P3H2: variants seen among roughly 807,000 people sequenced by gnomAD.
P3H2 encodes leprecan-like 1.
In P3H2, 80 loss-of-function variants were observed where a neutral mutation model predicts 87.0. The observed-to-expected ratio is 0.92, with a 90% CI of 0.77 to 1.11. The LOEUF (loss-of-function observed/expected upper bound fraction) is 1.11, where lower values mean the gene tolerates loss of function less well. Ranked by LOEUF, P3H2 falls within the 50% of genes least tolerant of loss-of-function variation. The pLI, the probability that P3H2 is intolerant of heterozygous loss-of-function variation, is 0.00. For missense variants in P3H2, 1,001 were observed against 923.9 expected, an observed-to-expected ratio of 1.08 and a Z score of -1.08; for synonymous variants, 367 against 359.3, an observed-to-expected ratio of 1.02 and a Z score of -0.24.
chr3:190,059,474 G>A (rs1285009945), intron 1 of P3H2, among the ~76,000 whole-genome samples: 1 of 151,952 alleles, frequency 6.6e-6, no homozygotes, highest in Non-Finnish European at 1.5e-5. Flanking sequence ...TTCCTTCCTG[G>A]GCTCCAGCCA....
At chr3:189,973,552 G>C (rs1239310239) in intron 10 of P3H2, among the ~76,000 whole-genome samples, 1 of 118,764 alleles carries the variant, frequency 8.4e-6, no homozygotes, top group East Asian at 2.3e-4. Context: ...ACGGAGTCTC[G>C]CTCTCGCCCA....
intron 1 of P3H2, among the ~76,000 whole-genome samples, chr3:190,037,733 ATGGCTAT>A: frequency 6.6e-6 from 1 of 152,352 alleles, no homozygotes; most frequent in Middle Eastern, 3.4e-3. Context: ...CAATTTAACT[ATGGCTAT>A]TGTGTCTAAA....
At chr3:189,972,279 C>A (rs959856105) in intron 11 of P3H2, among the ~76,000 whole-genome samples, 1 of 152,066 alleles carries the variant, frequency 6.6e-6, no homozygotes, top group African/African-American at 2.4e-5. Context: ...AAATTCCATG[C>A]GTTTCATGGG....
intron 1 of P3H2, among the ~76,000 whole-genome samples, chr3:190,062,109 A>G (rs75175727): frequency 0.014 from 2,127 of 152,192 alleles, 58 homozygotes; most frequent in African/African-American, 0.049. Context: ...CTTTCCTCTA[A>G]AATTCTCCCC....
intron 14 of P3H2, among the ~76,000 whole-genome samples, chr3:189,961,606 AAC>A (rs1722811769): frequency 1.3e-5 from 2 of 152,272 alleles, no homozygotes; most frequent in South Asian, 4.1e-4. Flanking sequence ...AAACTCCTGA[AAC>A]ACAGATGTTA....
chr3:190,094,985 T>G (rs116059947), intron 1 of P3H2, among the ~76,000 whole-genome samples: 4 of 152,084 alleles, frequency 2.6e-5, no homozygotes, highest in African/African-American at 7.2e-5. Context: ...TATCACAAGT[T>G]TGAAAACTTA....
At chr3:190,091,460 C>T (rs540505216) in intron 1 of P3H2, among the ~76,000 whole-genome samples, 2 of 152,232 alleles carry the variant, frequency 1.3e-5, no homozygotes, top group African/African-American at 2.4e-5. Context: ...CCCCTATTTC[C>T]CATTATTACT....
chr3:190,076,030 T>C (rs1726865600), intron 1 of P3H2, among the ~76,000 whole-genome samples: 1 of 152,158 alleles, frequency 6.6e-6, no homozygotes, highest in Non-Finnish European at 1.5e-5. Flanking sequence ...TGGTCACTCT[T>C]AGACCTGAAT....
At chr3:190,003,113 T>C (rs1258712755) in intron 1 of P3H2, among the ~76,000 whole-genome samples, 1 of 152,222 alleles carries the variant, frequency 6.6e-6, no homozygotes, top group Non-Finnish European at 1.5e-5. Flanking sequence ...AGAGTAATAT[T>C]TCCTCTGTGG....
intron 3 of P3H2, among the ~76,000 whole-genome samples, chr3:189,992,154 G>A (rs1723899318): frequency 1.3e-5 from 2 of 152,180 alleles, no homozygotes; most frequent in Admixed American, 1.3e-4. Context: ...GAGTGCAATG[G>A]CACCATCTCG....
intron 1 of P3H2, among the ~76,000 whole-genome samples, chr3:190,082,842 T>C (rs1727087675): frequency 6.6e-6 from 1 of 152,182 alleles, no homozygotes; most frequent in Non-Finnish European, 1.5e-5. Context: ...AGAATATAAT[T>C]ACCTTGTGTT....
Position 189,980,420 on chromosome 3 carries a change from G to A in P3H2, c.1324+2626C>T, listed in dbSNP as rs536778585. Reference sequence around the variant, plus strand: ...TCTACTAAAAATGCAAAAATTAGCCGGGTATGGTGGCATGTGCCTGTAGTC... The same window carrying A: ...TCTACTAAAAATGCAAAAATTAGCCAGGTATGGTGGCATGTGCCTGTAGTC... On this transcript the variant is annotated intron_variant, in intron 8 of 14. Transcript: ENST00000319332. 2.0e-3 allele frequency among the ~76,000 whole-genome samples: 309 copies of A among 152,042 alleles called. 1 individual carries two copies. Among genetic ancestry groups the A allele is most frequent in the Non-Finnish European group, 3.6e-3 (242 of 67,978 alleles).
intron 1 of P3H2, among the ~76,000 whole-genome samples, chr3:190,118,111 C>T (rs1284009311): frequency 9.9e-5 from 15 of 152,094 alleles, no homozygotes; most frequent in Non-Finnish European, 2.2e-4. Context: ...ATGGCTTCAC[C>T]TTCTTTGACC....
At chr3:189,989,778 T>C (rs1284124841) in intron 3 of P3H2, among the ~76,000 whole-genome samples, 1 of 152,136 alleles carries the variant, frequency 6.6e-6, no homozygotes, top group African/African-American at 2.4e-5. Context: ...CCCCTTTCTA[T>C]TGCTCCCATT....
chr3:190,114,207 G>A lies in P3H2; in HGVS notation c.480+6045C>T, dbSNP rs181436885. On this transcript the variant is annotated intron_variant, in intron 1 of 14. Coordinates refer to ENST00000319332, the MANE Select transcript of P3H2 (RefSeq NM_018192.4). ...TATTATTATTTTTTTTTTTTGAGGC[G>A]GAGTCTTGCTCTGTCGCCCAGGCTG... Among the ~76,000 whole-genome samples, 1,108 of 146,064 alleles carry A rather than the reference G, an allele frequency of 7.6e-3. 12 individuals are homozygous for A. Among genetic ancestry groups the A allele is most frequent in the African/African-American group, 0.026 (1,041 of 39,730 alleles).
At chr3:189,980,391 C>A (rs1189213334) in intron 8 of P3H2, among the ~76,000 whole-genome samples, 1 of 152,010 alleles carries the variant, frequency 6.6e-6, no homozygotes, top group East Asian at 1.9e-4. Context: ...GGTGAAATCT[C>A]GTCTCTACTA....
At chr3:190,026,321 C>T (rs1462751196) in intron 1 of P3H2, among the ~76,000 whole-genome samples, 2 of 152,168 alleles carry the variant, frequency 1.3e-5, no homozygotes, top group Non-Finnish European at 2.9e-5. Flanking sequence ...CTGAGGCGTA[C>T]TGGGCTGCAT....
At position 189,974,643 on chromosome 3, in the gene P3H2, G is replaced by A. The variant is rs780557025; in HGVS notation, c.1367C>T (p.Ser456Leu). 111 of 1,614,048 alleles carry A rather than the reference G, an allele frequency of 6.9e-5. No homozygotes were observed. The highest frequency in any genetic ancestry group is 9.3e-5 in the African/African-American group (7 of 74,924). ...CCGCTGAGTCCCGTTCAGCTGCTCC[G>A]AGTTGTAGACGAATGTGATGTTCTC... is the stretch of plus-strand genomic sequence containing the variant. ...LYENITFVYN[S>L]EQLNGTQRVL... Residue 456 changes from serine (S) to leucine (L), a missense_variant, in exon 9 of 15, where the codon TCG (serine) becomes TTG (leucine). Ser to Leu is a moderately radical substitution (Grantham distance 145). Transcript: ENST00000319332.
intron 1 of P3H2, among the ~76,000 whole-genome samples, chr3:190,104,511 G>A (rs888589440): frequency 6.6e-6 from 1 of 152,096 alleles, no homozygotes; most frequent in Non-Finnish European, 1.5e-5. Context: ...TTCTTTAACA[G>A]TATCAAAGTT....
Sources: allele counts gnomAD v4.1 joint callset (sites outside exome capture counted in the v4.1 genomes callset), GRCh38; gene constraint gnomAD v4.1.1; transcripts MANE v1.5; gene names NCBI Gene and HGNC (gene_info 2026-07-23, HGNC 2026-07-21).